ZNF462: variants seen among roughly 807,000 people sequenced by gnomAD.
ZNF462 encodes the protein zinc finger PBX1-interacting protein.
In ZNF462, 10 loss-of-function variants were observed where a neutral mutation model predicts 201.9. That is an observed-to-expected ratio of 0.05 (90% CI 0.03 to 0.08). The LOEUF (loss-of-function observed/expected upper bound fraction) is 0.08, where lower values mean the gene tolerates loss of function less well. ZNF462 is among the 10% of genes least tolerant of loss of function. ZNF462 has a pLI of 1.00. For synonymous variants in ZNF462, 1,227 were observed against 1,193.3 expected, an observed-to-expected ratio of 1.03 and a Z score of -0.58; for missense variants, 2,523 against 3,168.3, an observed-to-expected ratio of 0.80 and a Z score of 4.89.
intron 9 of ZNF462, among the ~76,000 whole-genome samples, chr9:106,983,070 A>G (rs1827567781): frequency 6.6e-6 from 1 of 152,234 alleles, no homozygotes; most frequent in African/African-American, 2.4e-5. Context: ...GCATGAAAAC[A>G]CATGCTATAT....
intron 1 of ZNF462, 118 bp downstream of exon 1, chr9:106,863,473 G>A (rs1564061641): frequency 5.8e-6 from 2 of 346,600 alleles, no homozygotes; most frequent in African/African-American, 2.1e-5. Context: ...TTGGAGGAGC[G>A]GGGAGGAGAG....
chr9:106,913,819 C>T lies in ZNF462; in HGVS notation c.-30-9535C>T, dbSNP rs1170382476. ...GTTTTACCATGTTGGCTAGGCTGGT[C>T]TCGAACTCCTTACCTCAAGTGATCT... is the stretch of plus-strand genomic sequence containing the variant. On this transcript the variant is annotated intron_variant, in intron 1 of 12. Transcript: ENST00000277225. The surrounding 1 kb of genome is among the most constrained non-coding windows in gnomAD (Gnocchi z 4.1). 6.7e-6 allele frequency among the ~76,000 whole-genome samples: 1 copy of T among 150,338 alleles called. No homozygotes were observed. Among genetic ancestry groups the T allele is most frequent in the Non-Finnish European group, 1.5e-5 (1 of 67,340 alleles).
chr9:106,974,890 A>G lies in ZNF462; in HGVS notation c.6832+617A>G, dbSNP rs983218877. The stretch of plus-strand genomic sequence containing the variant: ...TCCATTAAAAGAGATGATTGTACCT[A>G]TGAGATAATGGGTAAAGTGTCCAGT... On this transcript the variant is annotated intron_variant, in intron 9 of 12. Coordinates refer to ENST00000277225, the MANE Select transcript of ZNF462 (RefSeq NM_021224.6). This position sits in a 1 kb window ranked among gnomAD's most constrained non-coding sequence, Gnocchi z 4.0. 4 of 153,136 alleles carry G rather than the reference A, an allele frequency of 2.6e-5. No individual in the cohort carries two copies. Among genetic ancestry groups the G allele is most frequent in the Non-Finnish European group, 5.8e-5 (4 of 68,662 alleles). The allele number at this position is 153,136 out of a possible 1,614,324, so 9.5% of individuals were successfully genotyped here.
chr9:107,003,392 G>A lies in ZNF462; in HGVS notation c.7155G>A (p.Lys2385=). The A allele has an allele frequency of 6.2e-7, 1 of 1,613,798 alleles. No individual in the cohort carries two copies. The change falls in exon 11 of 13, where the codon AAG becomes AAA. Residue 2385 remains lysine, a synonymous_variant. Coordinates refer to ENST00000277225, the MANE Select transcript of ZNF462 (RefSeq NM_021224.6). The surrounding 1 kb of genome is among the most constrained non-coding windows in gnomAD (Gnocchi z 4.4). Reference sequence around the variant, plus strand: ...GCTCCAGCAGCGATGATGAGGACAAGGAAGAAGAAATGAACAGCAAGGCTG... The same window carrying A: ...GCTCCAGCAGCGATGATGAGGACAAAGAAGAAGAAATGAACAGCAAGGCTG... ...MESSSSDDED[K]EEEMNSKAED... is the part of the protein sequence containing the mutation.
At chr9:106,983,286 C>T in intron 9 of ZNF462, among the ~76,000 whole-genome samples, 1 of 152,172 alleles carries the variant, frequency 6.6e-6, no homozygotes. Flanking sequence ...AATCCTCTCT[C>T]TCTTTTATTT....
At chr9:106,957,073 CA>C (rs1029905214) in intron 7 of ZNF462, among the ~76,000 whole-genome samples, 1 of 152,176 alleles carries the variant, frequency 6.6e-6, no homozygotes, top group Admixed American at 6.6e-5. Flanking sequence ...CTGTTTGGCA[CA>C]AGAGGCCTGG....
rs1827555060 is a variant in ZNF462 at position 106,870,803 on chromosome 9, T to A, written c.-31+7448T>A. Among the ~76,000 whole-genome samples the A allele has an allele frequency of 6.6e-6, 1 of 152,212 alleles. No individual in the cohort carries two copies. Among genetic ancestry groups the A allele is most frequent in the Non-Finnish European group, 1.5e-5 (1 of 68,038 alleles). ...AAGCCCAGGATTTGTGGAGAGAGCT[T>A]AGCCGCCACAGAGCCCAGCTGGGGA... is the stretch of plus-strand genomic sequence containing the variant. On this transcript the variant is annotated intron_variant, in intron 1 of 12. Coordinates refer to ENST00000277225, the MANE Select transcript of ZNF462 (RefSeq NM_021224.6). This position sits in a 1 kb window ranked among gnomAD's most constrained non-coding sequence, Gnocchi z 4.3.
intron 1 of ZNF462, 121 bp downstream of exon 1, chr9:106,863,476 G>A (rs1257021605): frequency 1.3e-5 from 4 of 319,290 alleles, no homozygotes; most frequent in Admixed American, 5.0e-5. Context: ...GAGGAGCGGG[G>A]AGGAGAGGAA....
rs138297321 is a variant in ZNF462, at chr9:106,925,091, T to A, written c.1179T>A (p.Asn393Lys). Residue 393 changes from asparagine to lysine, a missense_variant, in exon 3 of 13, where the codon AAT becomes AAA. Physicochemically the swap from Asn to Lys is moderately conservative, Grantham distance 94. This residue lies in a region of ZNF462 where 480 missense variants were observed against 544.4 expected (regional missense o/e 0.88). Coordinates refer to ENST00000277225, the MANE Select transcript of ZNF462 (RefSeq NM_021224.6). The surrounding 1 kb of genome is among the most constrained non-coding windows in gnomAD (Gnocchi z 7.9). Reference sequence around the variant, plus strand: ...ACTCTAGTTCTGATGAAGAGTTAAATGAAATAGACAGTGAGAATGGTTTAA... The same window carrying A: ...ACTCTAGTTCTGATGAAGAGTTAAAAGAAATAGACAGTGAGAATGGTTTAA... ...LNDSSSDEEL[N>K]EIDSENGLSA... 6 of 1,614,128 alleles carry A rather than the reference T, an allele frequency of 3.7e-6. No homozygotes were observed. The highest frequency in any genetic ancestry group is 5.1e-6 in the Non-Finnish European group (6 of 1,180,014).
chr9:106,972,946 C>T lies in ZNF462; in HGVS notation c.6695+674C>T, dbSNP rs951247031. Among the ~76,000 whole-genome samples, 13 of 152,154 alleles carry T rather than the reference C, an allele frequency of 8.5e-5. No individual in the cohort carries two copies. The highest frequency in any genetic ancestry group is 3.1e-4 in the African/African-American group (13 of 41,424). ...GAGATAGCGTTTAGGTTAGTGGTTA[C>T]AAGTGTAGAGTGTGGAGCCTGACTA... On this transcript the variant is annotated intron_variant, in intron 8 of 12. Transcript: ENST00000277225. This position sits in a 1 kb window ranked among gnomAD's most constrained non-coding sequence, Gnocchi z 4.8.
In ZNF462 at chr9:106,984,192, G is replaced by A; in HGVS notation, c.6839G>A (p.Arg2280His). The A allele has an allele frequency of 1.2e-6, 2 of 1,613,636 alleles. No individual in the cohort carries two copies. The highest frequency in any genetic ancestry group is 1.7e-6 in the Non-Finnish European group (2 of 1,179,738). The stretch of plus-strand genomic sequence containing the variant: ...ATTCAATTTGTTTCCACAGAAGAGC[G>A]TGTTGTCCCCATTGAAGTTTGCCGG... ...IDHIVLHREE[R>H]VVPIEVCRSK... The change falls in exon 10 of 13, where the codon CGT (arginine) becomes CAT (histidine). Residue 2280 changes from arginine to histidine, a missense_variant. Physicochemically the swap from Arg to His is conservative, Grantham distance 29 (BLOSUM62 0). Coordinates refer to ENST00000277225, the MANE Select transcript of ZNF462 (RefSeq NM_021224.6). The surrounding 1 kb of genome is among the most constrained non-coding windows in gnomAD (Gnocchi z 6.4).
intron 10 of ZNF462, among the ~76,000 whole-genome samples, chr9:106,997,605 A>G (rs1465234766): frequency 6.6e-6 from 1 of 152,184 alleles, no homozygotes; most frequent in Non-Finnish European, 1.5e-5. Context: ...TGAGAATTCA[A>G]GATTTTTTTA....
In ZNF462 at chr9:106,880,628, G is replaced by C. The variant is rs1337496987; in HGVS notation, c.-31+17273G>C. ...TGGAGCTGCTAGAATAGAAAGAGTG[G>C]TTGTTGGGATATATTTTTATTAATG... is the stretch of plus-strand genomic sequence containing the variant. On this transcript the variant is annotated intron_variant, in intron 1 of 12. Transcript: ENST00000277225. This position sits in a 1 kb window ranked among gnomAD's most constrained non-coding sequence, Gnocchi z 4.1. Among the ~76,000 whole-genome samples, 1 of 152,172 alleles carries C rather than the reference G, an allele frequency of 6.6e-6. No individual in the cohort carries two copies. Among genetic ancestry groups the C allele is most frequent in the Non-Finnish European group, 1.5e-5 (1 of 68,034 alleles).
intron 1 of ZNF462, among the ~76,000 whole-genome samples, chr9:106,871,009 G>A (rs376400638): frequency 6.6e-6 from 1 of 152,174 alleles, no homozygotes; most frequent in African/African-American, 2.4e-5. Context: ...CAGAGGCTGG[G>A]GGGTGGGAGC....
intron 10 of ZNF462, among the ~76,000 whole-genome samples, chr9:107,001,313 C>T (rs764079625): frequency 2.0e-5 from 3 of 152,144 alleles, no homozygotes; most frequent in African/African-American, 4.8e-5. Context: ...AACATAACTT[C>T]GTAAATATGC....
rs760777773 is a variant in ZNF462, at chr9:106,924,930, C to T, written c.1018C>T (p.Pro340Ser). 1.2e-6 allele frequency: 2 copies of T among 1,614,200 alleles called. No individual in the cohort carries two copies. Among genetic ancestry groups the T allele is most frequent in the South Asian group, 1.1e-5 (1 of 91,080 alleles). Residue 340 changes from proline to serine, a missense_variant, in exon 3 of 13, where the codon CCC becomes TCC. This residue lies in a region of ZNF462 where 480 missense variants were observed against 544.4 expected (regional missense o/e 0.88). Coordinates refer to ENST00000277225, the MANE Select transcript of ZNF462 (RefSeq NM_021224.6). The surrounding 1 kb of genome is among the most constrained non-coding windows in gnomAD (Gnocchi z 6.2). ...RPNSSASKFS[P>S]MSYPQMKPKS... Reference sequence around the variant, plus strand: ...CAATTCTTCAGCTTCCAAGTTTTCGCCCATGTCTTACCCTCAGATGAAGCC... The same window carrying T: ...CAATTCTTCAGCTTCCAAGTTTTCGTCCATGTCTTACCCTCAGATGAAGCC...
chr9:106,973,226 A>G (rs7029055), intron 8 of ZNF462, among the ~76,000 whole-genome samples: 3,377 of 152,124 alleles, frequency 0.022, 136 homozygotes, highest in African/African-American at 0.076. Flanking sequence ...TTCTGTTCCT[A>G]TTGTAATCAG....
intron 10 of ZNF462, among the ~76,000 whole-genome samples, chr9:107,000,205 G>A (rs1051059186): frequency 6.6e-6 from 1 of 151,962 alleles, no homozygotes; most frequent in Non-Finnish European, 1.5e-5. Context: ...GTAAGTTCAG[G>A]GTGGTGGGAG....
rs747377862 is a variant in ZNF462, at chr9:106,938,719, G to T, written c.6236-197G>T. Among the ~76,000 whole-genome samples, 4 of 152,230 alleles carry T rather than the reference G, an allele frequency of 2.6e-5. No individual in the cohort carries two copies. Among genetic ancestry groups the T allele is most frequent in the Non-Finnish European group, 4.4e-5 (3 of 68,044 alleles). On this transcript the variant is annotated intron_variant, in intron 6 of 12. Transcript: ENST00000277225. The surrounding 1 kb of genome is among the most constrained non-coding windows in gnomAD (Gnocchi z 4.4). ...AAGGACCAGTTCACTAGATTCTGGA[G>T]CTCATGGAAGAGTTTCAACTCCAAA...
Sources: allele counts gnomAD v4.1 joint callset (sites outside exome capture counted in the v4.1 genomes callset), GRCh38; gene constraint gnomAD v4.1.1; regional missense constraint gnomAD v4.1.1; non-coding constraint Gnocchi (gnomAD v3.1); transcripts MANE v1.5; gene names NCBI Gene and HGNC (gene_info 2026-07-23, HGNC 2026-07-21).